CCBE1: variants seen among roughly 807,000 people sequenced by gnomAD.
CCBE1 encodes the protein collagen and calcium binding EGF domains 1.
In CCBE1, 37 loss-of-function variants were observed where a neutral mutation model predicts 50.0. The ratio of observed to expected loss-of-function variants is 0.74; its 90% CI spans 0.57 to 0.97. The LOEUF is 0.97. CCBE1 is among the 50% of genes least tolerant of loss of function. The probability of loss-of-function intolerance (pLI) is 0.00; values close to 1 mark genes in which losing one functional copy is unlikely to be tolerated. For synonymous variants in CCBE1, 234 were observed against 203.7 expected, an observed-to-expected ratio of 1.15 and a Z score of -1.27; for missense variants, 538 against 523.8, an observed-to-expected ratio of 1.03 and a Z score of -0.26.
chr18:59,551,045 G>GA (rs1245706285), intron 2 of CCBE1, among the ~76,000 whole-genome samples: 4 of 108,116 alleles, frequency 3.7e-5, no homozygotes, highest in Non-Finnish European at 8.1e-5. Context: ...GAAAAGAAAA[G>GA]AAAAAAAAGA....
chr18:59,470,125 G>A (rs111714901), intron 3 of CCBE1, among the ~76,000 whole-genome samples: 2 of 152,194 alleles, frequency 1.3e-5, no homozygotes, highest in Non-Finnish European at 2.9e-5. Flanking sequence ...ACATACCTGA[G>A]ACTGGGTAAT....
chr18:59,696,196 G>A (rs1379598857), intron 2 of CCBE1, among the ~76,000 whole-genome samples: 4 of 152,082 alleles, frequency 2.6e-5, no homozygotes, highest in Non-Finnish European at 5.9e-5. Context: ...TCCAGAGGCC[G>A]TGACAGCCAC....
chr18:59,651,969 T>G (rs1170296461), intron 2 of CCBE1, among the ~76,000 whole-genome samples: 9 of 152,240 alleles, frequency 5.9e-5, no homozygotes, highest in Non-Finnish European at 1.0e-4. Context: ...ATTGAATTTA[T>G]TCCTTCTATC....
intron 2 of CCBE1, among the ~76,000 whole-genome samples, chr18:59,584,829 A>T (rs1356344311): frequency 6.6e-6 from 1 of 152,160 alleles, no homozygotes; most frequent in Non-Finnish European, 1.5e-5. Flanking sequence ...TTTATAAATT[A>T]CCCAGTCTCA....
intron 2 of CCBE1, among the ~76,000 whole-genome samples, chr18:59,584,638 G>C (rs1007389412): frequency 2.6e-5 from 4 of 152,104 alleles, no homozygotes; most frequent in Admixed American, 1.3e-4. Context: ...TGCGAGATCT[G>C]GTTGTCTAAA....
chr18:59,580,823 G>C (rs2053073730), intron 2 of CCBE1, among the ~76,000 whole-genome samples: 1 of 152,194 alleles, frequency 6.6e-6, no homozygotes. Flanking sequence ...ATATGTTGAT[G>C]CCACACATCT....
rs557515971 is a variant in CCBE1, at chr18:59,561,147, C to A, written c.213-80909G>T. The stretch of plus-strand genomic sequence containing the variant: ...TCAGGGCAGTGTAAATGATAATCAC[C>A]AAAAGGGTAACTCCTATGGTAATCT... On this transcript the variant is annotated intron_variant, in intron 2 of 10. Transcript: ENST00000439986. Among the ~76,000 whole-genome samples the A allele has an allele frequency of 2.8e-4, 43 of 152,262 alleles. No homozygotes were observed. In the South Asian group the frequency reaches 8.3e-3, roughly 29 times the overall value.
intron 2 of CCBE1, among the ~76,000 whole-genome samples, chr18:59,684,149 T>C (rs1236818172): frequency 2.0e-5 from 3 of 152,202 alleles, no homozygotes; most frequent in Non-Finnish European, 4.4e-5. Flanking sequence ...TGAGTAACTG[T>C]CAGGAGTCCA....
At chr18:59,624,231 T>C (rs748388387) in intron 2 of CCBE1, among the ~76,000 whole-genome samples, 8 of 152,248 alleles carry the variant, frequency 5.3e-5, no homozygotes, top group Non-Finnish European at 1.0e-4. Context: ...TGATGTTTCA[T>C]TCTTATTGGC....
intron 2 of CCBE1, among the ~76,000 whole-genome samples, chr18:59,587,287 G>T (rs1197015275): frequency 3.3e-5 from 5 of 152,154 alleles, no homozygotes; most frequent in Admixed American, 6.5e-5. Flanking sequence ...TAGCAACAAA[G>T]AATATATTGT....
At chr18:59,532,202 A>C (rs1915079498) in intron 2 of CCBE1, among the ~76,000 whole-genome samples, 1 of 152,102 alleles carries the variant, frequency 6.6e-6, no homozygotes, top group African/African-American at 2.4e-5. Flanking sequence ...AAATAGCTGG[A>C]AATACAGCTG....
chr18:59,538,657 T>C (rs1029771100), intron 2 of CCBE1, among the ~76,000 whole-genome samples: 6 of 152,162 alleles, frequency 3.9e-5, no homozygotes, highest in Non-Finnish European at 8.8e-5. Context: ...CAGTCAAAAG[T>C]GGGCCATAAG....
At chr18:59,476,803 A>G (rs1912326300) in intron 3 of CCBE1, among the ~76,000 whole-genome samples, 1 of 152,336 alleles carries the variant, frequency 6.6e-6, no homozygotes, top group East Asian at 1.9e-4. Context: ...CCAGCTATTT[A>G]GTCTGGAGTC....
Position 59,495,556 on chromosome 18 carries a change from G to A in CCBE1, c.213-15318C>T, listed in dbSNP as rs569460660. The stretch of plus-strand genomic sequence containing the variant: ...TCTTTACTGTGCCCAGTTAGGCCAC[G>A]TGGACATCTCCCCAGCCATGTCCTT... On this transcript the variant is annotated intron_variant, in intron 2 of 10. Transcript: ENST00000439986. Among the ~76,000 whole-genome samples the A allele has an allele frequency of 2.6e-5, 4 of 151,568 alleles. No homozygotes were observed. In the East Asian group the frequency reaches 5.8e-4, roughly 22 times the overall value.
intron 2 of CCBE1, among the ~76,000 whole-genome samples, chr18:59,607,613 C>G (rs888038308): frequency 1.4e-4 from 21 of 152,166 alleles, no homozygotes; most frequent in African/African-American, 4.6e-4. Context: ...CAGCTACTCT[C>G]GGCAGCCTCA....
chr18:59,667,364 T>C (rs1357373457), intron 2 of CCBE1, among the ~76,000 whole-genome samples: 1 of 152,198 alleles, frequency 6.6e-6, no homozygotes, highest in East Asian at 1.9e-4. Flanking sequence ...GCAGATGTAT[T>C]TCTCCAGGGC....
intron 5 of CCBE1, among the ~76,000 whole-genome samples, chr18:59,463,555 C>T (rs936970116): frequency 1.3e-5 from 2 of 152,196 alleles, no homozygotes; most frequent in African/African-American, 4.8e-5. Context: ...CAAATAAACT[C>T]AGCATTTAAA....
intron 2 of CCBE1, among the ~76,000 whole-genome samples, chr18:59,588,200 T>G (rs1261513407): frequency 6.6e-6 from 1 of 152,228 alleles, no homozygotes; most frequent in Non-Finnish European, 1.5e-5. Context: ...TATAATTACA[T>G]TAATCTGAGT....
chr18:59,607,967 T>C (rs1363617973), intron 2 of CCBE1, among the ~76,000 whole-genome samples: 1 of 151,840 alleles, frequency 6.6e-6, no homozygotes, highest in Non-Finnish European at 1.5e-5. Context: ...TCCCAGCTAC[T>C]CAGGAAGCTG....
Sources: gnomAD v4.1 joint callset for allele counts (sites outside exome capture counted in the v4.1 genomes callset) on GRCh38, gnomAD v4.1.1 for gene constraint, MANE v1.5 for transcripts, NCBI Gene and HGNC (gene_info 2026-07-23, HGNC 2026-07-21) for gene names.